Variants in CDH13 observed in about 807,000 individuals in gnomAD.
The protein encoded by CDH13 is cadherin-13.
CDH13 carries 24 observed loss-of-function variants against 63.8 expected under a neutral mutation model. The ratio of observed to expected loss-of-function variants is 0.38; its 90% CI spans 0.27 to 0.53. The LOEUF (loss-of-function observed/expected upper bound fraction) is 0.53, where lower values mean the gene tolerates loss of function less well. CDH13 is among the 20% of genes least tolerant of loss of function. The pLI, the probability that CDH13 is intolerant of heterozygous loss-of-function variation, is 0.85. For synonymous variants in CDH13, 503 were observed against 355.3 expected (o/e 1.42, Z -4.67); for missense variants, 1,049 against 903.1 (o/e 1.16, Z -2.07).
chr16:83,471,460 C>G (rs2073450815), intron 6 of CDH13, among the ~76,000 whole-genome samples: 1 of 151,998 alleles, frequency 6.6e-6, no homozygotes, highest in African/African-American at 2.4e-5. Context: ...ATTTTTAGTA[C>G]AGATAGGGTT....
At chr16:83,566,609 G>A (rs931901252) in intron 7 of CDH13, among the ~76,000 whole-genome samples, 1 of 152,116 alleles carries the variant, frequency 6.6e-6, no homozygotes, top group Non-Finnish European at 1.5e-5. Flanking sequence ...AGCAGGCATG[G>A]GTTTACCCTC....
chr16:83,594,946 G>A (rs1043365147), intron 7 of CDH13, among the ~76,000 whole-genome samples: 2 of 152,142 alleles, frequency 1.3e-5, no homozygotes, highest in Non-Finnish European at 2.9e-5. Flanking sequence ...AGATTCACTC[G>A]AGGCTTTTTC....
chr16:83,463,097 G>A (rs2073221495), intron 6 of CDH13, among the ~76,000 whole-genome samples: 1 of 152,056 alleles, frequency 6.6e-6, no homozygotes, highest in Admixed American at 6.6e-5. Flanking sequence ...GGAGTGTTGG[G>A]GCAGACTTTC....
chr16:82,818,162 G>A (rs976966036), intron 1 of CDH13, among the ~76,000 whole-genome samples: 3 of 151,296 alleles, frequency 2.0e-5, no homozygotes, highest in Middle Eastern at 3.4e-3. Flanking sequence ...AATTACTCCA[G>A]GAGATTTACA....
intron 3 of CDH13, among the ~76,000 whole-genome samples, chr16:83,065,317 A>G (rs1196833378): frequency 6.6e-6 from 1 of 152,208 alleles, no homozygotes; most frequent in East Asian, 1.9e-4. Flanking sequence ...TTAAGAAGTG[A>G]GTTGATCAGC....
chr16:83,708,795 T>C (rs1907550018), intron 10 of CDH13, among the ~76,000 whole-genome samples: 1 of 152,106 alleles, frequency 6.6e-6, no homozygotes, highest in African/African-American at 2.4e-5. Flanking sequence ...GAGGCTGAGG[T>C]TGGTGGATCA....
intron 7 of CDH13, among the ~76,000 whole-genome samples, chr16:83,568,605 G>C (rs975326766): frequency 1.3e-5 from 2 of 152,168 alleles, no homozygotes; most frequent in African/African-American, 4.8e-5. Flanking sequence ...GGGGGCAGGG[G>C]GTTGGGCTCA....
At chr16:82,887,200 A>T (rs1015834811) in intron 2 of CDH13, among the ~76,000 whole-genome samples, 2 of 152,108 alleles carry the variant, frequency 1.3e-5, no homozygotes, top group Non-Finnish European at 2.9e-5. Flanking sequence ...TTTTACTGTA[A>T]AGGGCCAAAT....
At chr16:83,024,439 A>G (rs1567754736) in intron 2 of CDH13, among the ~76,000 whole-genome samples, 1 of 152,218 alleles carries the variant, frequency 6.6e-6, no homozygotes, top group Non-Finnish European at 1.5e-5. Context: ...TGGAAGCTGA[A>G]TGACTAAAGG....
At chr16:82,865,519 G>C (rs2151179284) in intron 2 of CDH13, among the ~76,000 whole-genome samples, 1 of 152,300 alleles carries the variant, frequency 6.6e-6, no homozygotes, top group African/African-American at 2.4e-5. Context: ...TGAAACAATA[G>C]CCTGAACTGT....
chr16:82,840,602 T>G (rs1214742240), intron 1 of CDH13, among the ~76,000 whole-genome samples: 2 of 147,968 alleles, frequency 1.4e-5, no homozygotes, highest in African/African-American at 4.9e-5. Flanking sequence ...GGAGAATCGC[T>G]TAAACTAGGG....
chr16:82,742,721 A>G (rs1031745244), intron 1 of CDH13, among the ~76,000 whole-genome samples: 1 of 152,214 alleles, frequency 6.6e-6, no homozygotes, highest in Non-Finnish European at 1.5e-5. Flanking sequence ...GCATAATTGT[A>G]ACTCTGAAGA....
intron 1 of CDH13, among the ~76,000 whole-genome samples, chr16:82,750,933 C>G (rs887423297): frequency 6.6e-6 from 1 of 152,190 alleles, no homozygotes; most frequent in Non-Finnish European, 1.5e-5. Flanking sequence ...AATTTAGACA[C>G]ATAATCTTCA....
intron 8 of CDH13, among the ~76,000 whole-genome samples, chr16:83,651,369 T>A (rs371769543): frequency 6.6e-6 from 1 of 152,170 alleles, no homozygotes; most frequent in African/African-American, 2.4e-5. Flanking sequence ...ATTTTATTGC[T>A]TATGTGCTGG....
At chr16:83,440,018 C>T (rs1261776332) in intron 6 of CDH13, among the ~76,000 whole-genome samples, 1 of 152,134 alleles carries the variant, frequency 6.6e-6, no homozygotes, top group Non-Finnish European at 1.5e-5. Flanking sequence ...GGTGGACCCA[C>T]GGTGTCTGTG....
intron 2 of CDH13, among the ~76,000 whole-genome samples, chr16:82,992,193 C>G (rs541592213): frequency 5.7e-4 from 87 of 152,146 alleles, no homozygotes; most frequent in Non-Finnish European, 6.2e-4. Context: ...AGTCCAGCCT[C>G]TGTTGTGAGC....
At position 83,352,822 on chromosome 16, in the gene CDH13, G is replaced by A. The variant is rs543593621; in HGVS notation, c.781+7816G>A. 5.9e-5 allele frequency among the ~76,000 whole-genome samples: 9 copies of A among 152,242 alleles called. No homozygotes were observed. In the South Asian group the frequency reaches 8.3e-4, roughly 14 times the overall value. On this transcript the variant is annotated intron_variant, in intron 6 of 13. Transcript: ENST00000567109. ...GGAGAATGGCATGAACCCGGGAGGC[G>A]GAGTGTACAGTGAACCGAGATCGTG...
chr16:83,634,024 C>T (rs752806137), intron 8 of CDH13, among the ~76,000 whole-genome samples: 5 of 152,110 alleles, frequency 3.3e-5, no homozygotes, highest in Non-Finnish European at 7.4e-5. Context: ...TCGCCTATAA[C>T]TGTAGTGCAA....
In CDH13 at chr16:83,795,623, A is replaced by C. The variant is rs189549429; in HGVS notation, c.*593A>C. On this transcript the variant is annotated 3_prime_UTR_variant, in exon 14 of 14. Transcript: ENST00000567109. ...CCCGTTCAGTCTGAATGCTGCCACA[A>C]CCAGCCAGGCAGGTCCACAGAGAGG... 6.6e-6 allele frequency: 1 copy of C among 152,396 alleles called. No homozygotes were observed. Among genetic ancestry groups the C allele is most frequent in the Admixed American group, 6.5e-5 (1 of 15,294 alleles). The allele number at this position is 152,396 out of a possible 1,614,324, so 9.4% of individuals were successfully genotyped here.
Sources: allele counts gnomAD v4.1 joint callset (sites outside exome capture counted in the v4.1 genomes callset), GRCh38; gene constraint gnomAD v4.1.1; transcripts MANE v1.5; gene names NCBI Gene and HGNC (gene_info 2026-07-23, HGNC 2026-07-21).